The following RIMS1 variants were observed in gnomAD, a reference collection of about 807,000 sequenced individuals.
The protein encoded by RIMS1 is regulating synaptic membrane exocytosis 1, also known as regulating synaptic membrane exocytosis protein 1.
A neutral mutation model predicts 214.1 loss-of-function variants in RIMS1; 83 were observed. That is an observed-to-expected ratio of 0.39 (90% confidence interval 0.32 to 0.47). The LOEUF is 0.47. Ranked by LOEUF, RIMS1 falls within the 20% of genes least tolerant of loss-of-function variation. RIMS1 has a pLI of 0.99. For synonymous variants in RIMS1, 793 were observed against 786.8 expected (o/e 1.01, Z -0.13); for missense variants, 2,050 against 2,161.8 (o/e 0.95, Z 1.03).
At chr6:72,330,554 A>G (rs993989916) in intron 28 of RIMS1, among the ~76,000 whole-genome samples, 1 of 151,804 alleles carries the variant, frequency 6.6e-6, no homozygotes, top group African/African-American at 2.4e-5. Flanking sequence ...ATGAAATATC[A>G]GAATCCCAAT....
At chr6:72,320,565 G>T (rs955623417) in intron 28 of RIMS1, among the ~76,000 whole-genome samples, 3 of 151,904 alleles carry the variant, frequency 2.0e-5, no homozygotes, top group African/African-American at 4.8e-5. Context: ...TTGGCTGAAG[G>T]ATTATGCAAT....
rs182926379 is a variant in RIMS1, at chr6:72,401,832, A to G, written c.*1118A>G. 9.8e-5 allele frequency: 15 copies of G among 152,796 alleles called. No homozygotes were observed. In the East Asian group the frequency reaches 2.9e-3, roughly 29 times the overall value. 9.5% of individuals were successfully genotyped at this position (152,796 alleles called of 1,614,324 possible). On this transcript the variant is annotated 3_prime_UTR_variant, in exon 34 of 34. Transcript: ENST00000521978. ...ATATTCCACTGGAAATTCCAGTTGAAATATTCTGCACTAAACTATTGTTTT... is the reference window on the plus strand; with the variant it reads ...ATATTCCACTGGAAATTCCAGTTGAGATATTCTGCACTAAACTATTGTTTT...
At chr6:72,045,631 C>T (rs773420692) in intron 2 of RIMS1, among the ~76,000 whole-genome samples, 2 of 151,996 alleles carry the variant, frequency 1.3e-5, no homozygotes, top group Non-Finnish European at 2.9e-5. Context: ...TGCCAATTTT[C>T]ATGACAGTGA....
intron 1 of RIMS1, among the ~76,000 whole-genome samples, chr6:71,940,796 G>T (rs935154279): frequency 6.6e-6 from 1 of 152,158 alleles, no homozygotes; most frequent in Non-Finnish European, 1.5e-5. Context: ...AGAGAAGGGA[G>T]TTAGGGGCAC....
intron 1 of RIMS1, among the ~76,000 whole-genome samples, chr6:71,890,387 G>C (rs1202236536): frequency 6.6e-5 from 3 of 45,796 alleles, no homozygotes; most frequent in African/African-American, 3.3e-4. Context: ...AATCTTAATA[G>C]TGTTTTGGAT....
chr6:72,043,673 T>C (rs1432695590), intron 2 of RIMS1, among the ~76,000 whole-genome samples: 1 of 151,546 alleles, frequency 6.6e-6, no homozygotes, highest in African/African-American at 2.4e-5. Context: ...GCTAATGTAC[T>C]ATTAACTAGA....
At chr6:71,962,447 A>G (rs1378914624) in intron 1 of RIMS1, among the ~76,000 whole-genome samples, 2 of 152,126 alleles carry the variant, frequency 1.3e-5, no homozygotes, top group African/African-American at 4.8e-5. Context: ...ATGCCTTTTG[A>G]AAGTAAAAAT....
intron 19 of RIMS1, chr6:72,261,598 A>G (rs1465335756): frequency 1.0e-6 from 1 of 982,940 alleles, no homozygotes; most frequent in Non-Finnish European, 1.2e-6. Flanking sequence ...AAACAAACTA[A>G]CACAAAATAA....
At position 72,237,928 on chromosome 6, in the gene RIMS1, GT is replaced by G; in HGVS notation, c.1957+9del. The G allele has an allele frequency of 6.3e-7, 1 of 1,592,930 alleles. No individual in the cohort carries two copies. The highest frequency in any genetic ancestry group is 1.1e-5 in the South Asian group (1 of 87,522). On this transcript the variant is annotated splice_region_variant and intron_variant, in intron 9 of 33. Coordinates refer to ENST00000521978, the MANE Select transcript of RIMS1 (RefSeq NM_014989.7). Reference sequence around the variant, plus strand: ...AGTTGGACACCTAAGAGCAGGTAAAGTTTCTTTTTTTAATATTTAAACAGTG... The same window carrying G: ...AGTTGGACACCTAAGAGCAGGTAAAGTTCTTTTTTTAATATTTAAACAGTG...
At chr6:71,980,240 T>C (rs111806126) in intron 2 of RIMS1, among the ~76,000 whole-genome samples, 2,493 of 152,202 alleles carry the variant, frequency 0.016, 79 homozygotes, top group African/African-American at 0.055. Context: ...CACTGGCTAC[T>C]GCACTAGTGT....
intron 26 of RIMS1, among the ~76,000 whole-genome samples, chr6:72,294,181 G>A (rs1160122465): frequency 6.6e-6 from 1 of 151,638 alleles, no homozygotes; most frequent in African/African-American, 2.4e-5. Context: ...CCACATGACA[G>A]CTTTGTTTGT....
chr6:72,032,876 C>G (rs558377013), intron 2 of RIMS1, among the ~76,000 whole-genome samples: 2 of 152,186 alleles, frequency 1.3e-5, no homozygotes, highest in African/African-American at 4.8e-5. Flanking sequence ...ATGTGGACAC[C>G]TAACTCAATC....
chr6:72,382,404 G>A (rs539969648), intron 29 of RIMS1, among the ~76,000 whole-genome samples: 1 of 152,282 alleles, frequency 6.6e-6, no homozygotes, highest in Admixed American at 6.5e-5. Flanking sequence ...CCACACATTG[G>A]AAGCATCTGA....
chr6:72,072,693 C>A (rs1247521439), intron 2 of RIMS1, among the ~76,000 whole-genome samples: 2 of 152,108 alleles, frequency 1.3e-5, no homozygotes, highest in African/African-American at 2.4e-5. Flanking sequence ...AAAAAAGATT[C>A]CTGCCCTCAA....
chr6:72,274,179 G>A (rs919816115), intron 22 of RIMS1, among the ~76,000 whole-genome samples, 170 bp from the exon 23 acceptor site: 1 of 152,052 alleles, frequency 6.6e-6, no homozygotes, highest in Non-Finnish European at 1.5e-5. Flanking sequence ...TTAAAGTATT[G>A]TAACTTATCT....
chr6:72,258,232 A>C lies in RIMS1; in HGVS notation c.2878A>C (p.Asn960His). The part of the protein sequence containing the change: ...RSRSVSPHRG[N>H]DQGKPRSRLP... The stretch of plus-strand genomic sequence containing the variant: ...ACGTTCAGTATCTCCTCATCGCGGC[A>C]ATGATCAGGGAAAGCCGCGTTCACG... The change falls in exon 17 of 34, where the codon AAT (asparagine) becomes CAT (histidine). Residue 960 changes from asparagine (N) to histidine (H), a missense_variant. By Grantham distance (68) the Asn-to-His change is moderately conservative (BLOSUM62 1). Around this residue, in one of 6 missense-constraint regions of RIMS1, gnomAD observed 889 missense variants for 885.5 expected, o/e 1.00. Transcript: ENST00000521978. The C allele has an allele frequency of 6.2e-7, 1 of 1,613,424 alleles. No individual in the cohort carries two copies. Among genetic ancestry groups the C allele is most frequent in the Non-Finnish European group, 8.5e-7 (1 of 1,179,576 alleles).
Position 72,133,660 on chromosome 6 carries a change from C to G in RIMS1, c.471+33674C>G, listed in dbSNP as rs183960355. On this transcript the variant is annotated intron_variant, in intron 4 of 33. Coordinates refer to ENST00000521978, the MANE Select transcript of RIMS1 (RefSeq NM_014989.7). ...GTAGTTTCAAATCTCAGCTCATCTA[C>G]TCACTGACTGTGGATGACACCAAGT... Among the ~76,000 whole-genome samples the G allele has an allele frequency of 3.4e-4, 52 of 152,254 alleles. No homozygotes were observed. The East Asian group carries it at 9.3e-3, about 27-fold the overall frequency.
At chr6:72,024,007 T>G (rs1277832819) in intron 2 of RIMS1, among the ~76,000 whole-genome samples, 1 of 152,058 alleles carries the variant, frequency 6.6e-6, no homozygotes, top group African/African-American at 2.4e-5. Context: ...CTTAATGAGG[T>G]GAAACTACAA....
chr6:72,108,254 T>TTG lies in RIMS1; in HGVS notation c.471+8280_471+8281dup, dbSNP rs569625432. Among the ~76,000 whole-genome samples the TTG allele has an allele frequency of 2.4e-3, 306 of 125,222 alleles. 1 individual carries two copies. The highest frequency in any genetic ancestry group is 0.012 in the Middle Eastern group (3 of 250). The allele number at this position is 125,222 out of a possible 152,430, so 82.2% of individuals were successfully genotyped here. A position where few individuals can be genotyped will look rare whatever the true frequency, so the allele number is the denominator to read the frequency against. The stretch of plus-strand genomic sequence containing the variant: ...TGCCTGCCACCATGCTTGGATAATT[T>TTG]TGTGTGTGTGTGTATGTGGAGACTG... On this transcript the variant is annotated intron_variant, in intron 4 of 33. Transcript: ENST00000521978.
Sources: gnomAD v4.1 joint callset for allele counts (sites outside exome capture counted in the v4.1 genomes callset) on GRCh38, gnomAD v4.1.1 for gene constraint, gnomAD v4.1.1 regional missense constraint, MANE v1.5 for transcripts, NCBI Gene and HGNC (gene_info 2026-07-23, HGNC 2026-07-21) for gene names.